The following ACSM3 variants were observed in gnomAD, a reference collection of about 807,000 sequenced individuals.
ACSM3 encodes acyl-coenzyme A synthetase ACSM3, mitochondrial.
A neutral mutation model predicts 74.1 loss-of-function variants in ACSM3; 61 were observed. The observed-to-expected ratio is 0.82, with a 90% CI of 0.67 to 1.02. The LOEUF is 1.02. Among genes scored for constraint, ACSM3 ranks in the 50% least tolerant of loss-of-function variants. The probability of loss-of-function intolerance (pLI) is 0.00; values close to 1 mark genes in which losing one functional copy is unlikely to be tolerated. For missense variants in ACSM3, 660 were observed against 697.0 expected (o/e 0.95, Z 0.60); for synonymous variants, 213 against 241.5 (o/e 0.88, Z 1.09).
chr16:20,744,231 TC>T (rs533892375), intron 1 of ACSM3, among the ~76,000 whole-genome samples: 147 of 152,332 alleles, frequency 9.6e-4, no homozygotes, highest in African/African-American at 3.4e-3. Context: ...AGATTGGACA[TC>T]CCTGGCCTAC....
At chr16:20,732,162 A>C (rs2079834588) in intron 1 of ACSM3, among the ~76,000 whole-genome samples, 1 of 152,152 alleles carries the variant, frequency 6.6e-6, no homozygotes, top group Non-Finnish European at 1.5e-5. Context: ...GAAACCATGA[A>C]ATCTTTCCTG....
intron 1 of ACSM3, chr16:20,741,882 G>A (rs973574775): frequency 2.0e-6 from 3 of 1,534,916 alleles, no homozygotes; most frequent in East Asian, 2.4e-5. Flanking sequence ...TGCTGCGCCA[G>A]GTCCTAAGGC....
intron 2 of ACSM3, among the ~76,000 whole-genome samples, chr16:20,753,420 C>T (rs2152435377): frequency 6.8e-6 from 1 of 146,128 alleles, no homozygotes; most frequent in South Asian, 2.2e-4. Flanking sequence ...GCTGAGATTG[C>T]ACCACTGCAC....
chr16:20,795,099 G>A (rs1194200974), intron 12 of ACSM3, among the ~76,000 whole-genome samples: 4 of 152,160 alleles, frequency 2.6e-5, no homozygotes, highest in African/African-American at 7.2e-5. Context: ...AAAAGTGAAT[G>A]GAACAAAATT....
At chr16:20,727,491 G>C (rs561315629) in intron 1 of ACSM3, 2 of 388,446 alleles carry the variant, frequency 5.1e-6, no homozygotes, top group Admixed American at 6.7e-5. Context: ...CAACATTTAT[G>C]TTTAGTATAT....
At position 20,678,011 on chromosome 16, in the gene ACSM3, AAAATAAAT is replaced by A. The variant is rs146714630; in HGVS notation, c.-190+3214_-190+3221del. Among the ~76,000 whole-genome samples, 44 of 143,826 alleles carry A rather than the reference AAAATAAAT, an allele frequency of 3.1e-4. No individual in the cohort carries two copies. The South Asian group carries it at 5.5e-3, about 18-fold the overall frequency. 94.4% of individuals were successfully genotyped at this position (143,826 alleles called of 152,430 possible). On this transcript the variant is annotated intron_variant, in intron 1 of 3. Transcript: ENST00000561584. The stretch of plus-strand genomic sequence containing the variant: ...CCATAAAGGAAGAATACTAAAGGCT[AAAATAAAT>A]AAATAAATAAATAAATAAATAAATG...
At chr16:20,783,801 TC>T (rs1754887651) in intron 7 of ACSM3, among the ~76,000 whole-genome samples, 1 of 118,142 alleles carries the variant, frequency 8.5e-6, no homozygotes, top group African/African-American at 3.1e-5. Flanking sequence ...ACATGTGTTC[TC>T]CCCGTCTCAA....
chr16:20,704,028 C>T (rs1027337154), intron 1 of ACSM3: 2 of 152,036 alleles, frequency 1.3e-5, no homozygotes, highest in South Asian at 2.1e-4. Context: ...GACAGGGAAA[C>T]GAAAAGATAG....
intron 2 of ACSM3, among the ~76,000 whole-genome samples, chr16:20,771,639 A>G (rs778677663): frequency 1.3e-5 from 2 of 152,028 alleles, no homozygotes; most frequent in Non-Finnish European, 2.9e-5. Context: ...TCATCTCTTG[A>G]TAGACATTTA....
intron 1 of ACSM3, among the ~76,000 whole-genome samples, chr16:20,716,827 G>A (rs776763155): frequency 1.1e-4 from 16 of 152,068 alleles, no homozygotes; most frequent in East Asian, 3.9e-4. Flanking sequence ...TGACTCCGCC[G>A]GACTTCGTAG....
chr16:20,766,070 C>T (rs1411898414), intron 1 of ACSM3, among the ~76,000 whole-genome samples: 1 of 152,074 alleles, frequency 6.6e-6, no homozygotes, highest in African/African-American at 2.4e-5. Context: ...TGAATCATGC[C>T]AACCTACCAA....
At chr16:20,777,686 C>A in intron 4 of ACSM3, 106 bp downstream of exon 4, 1 of 958,666 alleles carries the variant, frequency 1.0e-6, no homozygotes, top group Non-Finnish European at 1.6e-6. Flanking sequence ...AAACAACAGG[C>A]AAAGGGAACA....
chr16:20,739,348 G>T (rs1046944962), intron 1 of ACSM3, among the ~76,000 whole-genome samples: 1 of 151,758 alleles, frequency 6.6e-6, no homozygotes, highest in African/African-American at 2.4e-5. Context: ...GCTAATTTTT[G>T]TATTTTTAGT....
intron 1 of ACSM3, among the ~76,000 whole-genome samples, chr16:20,701,597 C>G (rs985096495): frequency 6.6e-6 from 1 of 152,136 alleles, no homozygotes; most frequent in Non-Finnish European, 1.5e-5. Context: ...CACAGGTATA[C>G]ATGTGCCATG....
intron 1 of ACSM3, among the ~76,000 whole-genome samples, chr16:20,699,895 T>C (rs1000937398): frequency 1.3e-5 from 2 of 152,210 alleles, no homozygotes; most frequent in Admixed American, 6.5e-5. Context: ...ATTCTATGTG[T>C]GCTCCTCTTT....
In ACSM3 at chr16:20,682,539, C is replaced by G. The variant is rs537607064; in HGVS notation, c.-190+7717C>G. 10 of 1,148,954 alleles carry G rather than the reference C, an allele frequency of 8.7e-6. No individual in the cohort carries two copies. In the African/African-American group the frequency reaches 1.4e-4, roughly 16 times the overall value. 71.2% of individuals were successfully genotyped at this position (1,148,954 alleles called of 1,614,324 possible). A position where few individuals can be genotyped will look rare whatever the true frequency, so the allele number is the denominator to read the frequency against. On this transcript the variant is annotated intron_variant, in intron 1 of 3. Coordinates refer to the ACSM3 transcript ENST00000561584. ...GGCTTTAGACTTGGCTTGTCTGCAT[C>G]GAAATACCCTAACTTCTTGTTATGT... is the stretch of plus-strand genomic sequence containing the variant.
At chr16:20,721,136 G>C (rs1420646867) in intron 1 of ACSM3, 1 of 152,264 alleles carries the variant, frequency 6.6e-6, no homozygotes, top group Non-Finnish European at 1.5e-5. Flanking sequence ...GTGAGGAAAG[G>C]TATACCTGTA....
chr16:20,711,796 A>G (rs1434696847), intron 1 of ACSM3: 5 of 338,874 alleles, frequency 1.5e-5, no homozygotes, highest in Non-Finnish European at 2.9e-5. Context: ...CTGGGCTCCT[A>G]CTCGGAAAAG....
At chr16:20,681,189 A>G (rs898611883) in intron 1 of ACSM3, 5 of 152,218 alleles carry the variant, frequency 3.3e-5, no homozygotes, top group Admixed American at 1.3e-4. Context: ...ATTATAACCA[A>G]TGAAACATCA....
Sources: gnomAD v4.1 joint callset for allele counts (sites outside exome capture counted in the v4.1 genomes callset) on GRCh38, gnomAD v4.1.1 for gene constraint, MANE v1.5 for transcripts, NCBI Gene and HGNC (gene_info 2026-07-23, HGNC 2026-07-21) for gene names.